TNS3: variants seen among roughly 807,000 people sequenced by gnomAD.
TNS3 encodes tensin 3.
A neutral mutation model predicts 140.9 loss-of-function variants in TNS3; 45 were observed. The ratio of observed to expected loss-of-function variants is 0.32; its 90% CI spans 0.25 to 0.41. The LOEUF is 0.41. TNS3 is among the 10% of genes least tolerant of loss of function. The pLI is 1.00. For synonymous variants in TNS3, 815 were observed against 788.4 expected, an observed-to-expected ratio of 1.03 and a Z score of -0.56; for missense variants, 1,716 against 1,906.7, an observed-to-expected ratio of 0.90 and a Z score of 1.86.
intron 16 of TNS3, among the ~76,000 whole-genome samples, chr7:47,392,267 C>T (rs141445996): frequency 4.6e-5 from 7 of 152,180 alleles, no homozygotes; most frequent in South Asian, 2.1e-4. Flanking sequence ...GAAGACAGGG[C>T]GTTTGTAATC....
At chr7:47,285,614 A>G (rs1442488958) in intron 27 of TNS3, among the ~76,000 whole-genome samples, 1 of 152,210 alleles carries the variant, frequency 6.6e-6, no homozygotes, top group Non-Finnish European at 1.5e-5. Flanking sequence ...AGTCTCAGAT[A>G]TGGCTGTATT....
chr7:47,545,428 C>A (rs1347125580), intron 1 of TNS3, among the ~76,000 whole-genome samples: 1 of 151,494 alleles, frequency 6.6e-6, no homozygotes, highest in Non-Finnish European at 1.5e-5. Context: ...GGGCTTTCTA[C>A]ACTCCCCTCC....
At chr7:47,332,532 C>CTCGA (rs1788401279) in intron 20 of TNS3, among the ~76,000 whole-genome samples, 1 of 152,222 alleles carries the variant, frequency 6.6e-6, no homozygotes, top group Non-Finnish European at 1.5e-5. Flanking sequence ...CCCCAGCCCG[C>CTCGA]GAGCTGCCCC....
intron 2 of TNS3, among the ~76,000 whole-genome samples, chr7:47,522,476 A>C (rs334518): frequency 0.98 from 149,936 of 152,302 alleles, 73,855 homozygotes; most frequent in East Asian, 1. Context: ...GTCCACAGGG[A>C]CCCTTGGCCT....
chr7:47,428,650 G>T (rs1036083404), intron 8 of TNS3, among the ~76,000 whole-genome samples: 1 of 152,216 alleles, frequency 6.6e-6, no homozygotes, highest in Non-Finnish European at 1.5e-5. Context: ...CACAGCAGCT[G>T]CCTGTCATTT....
chr7:47,353,154 C>A (rs563202428), intron 17 of TNS3, among the ~76,000 whole-genome samples: 1 of 152,322 alleles, frequency 6.6e-6, no homozygotes, highest in Non-Finnish European at 1.5e-5. Context: ...TCTTGGATTG[C>A]TTTCTGAGGA....
intron 1 of TNS3, chr7:47,581,651 C>T (rs1479496487): frequency 7.9e-5 from 12 of 152,132 alleles, no homozygotes; most frequent in Admixed American, 7.9e-4. Flanking sequence ...CCAGCCAGTC[C>T]CCAAACCCAG....
At chr7:47,424,748 G>T (rs1258866603) in intron 9 of TNS3, among the ~76,000 whole-genome samples, 1 of 152,206 alleles carries the variant, frequency 6.6e-6, no homozygotes, top group African/African-American at 2.4e-5. Context: ...CCAGGACTGG[G>T]CTTGAGAAGG....
intron 4 of TNS3, among the ~76,000 whole-genome samples, chr7:47,474,853 A>C (rs532871750): frequency 6.8e-6 from 1 of 146,290 alleles, no homozygotes; most frequent in South Asian, 2.2e-4. Context: ...TCACACACAA[A>C]ACACCTCACA....
chr7:47,290,745 T>C (rs1240481150), intron 27 of TNS3, among the ~76,000 whole-genome samples: 2 of 152,138 alleles, frequency 1.3e-5, no homozygotes, highest in African/African-American at 4.8e-5. Context: ...GAATGCAAAA[T>C]GGGACAGCCA....
At chr7:47,400,318 C>T in intron 15 of TNS3, 75 bp downstream of exon 15, 4 of 1,216,998 alleles carry the variant, frequency 3.3e-6, no homozygotes, top group Non-Finnish European at 4.8e-6. Flanking sequence ...ACTAGTACTA[C>T]AGCCCCAGCG....
chr7:47,345,308 TG>T (rs1468711647), intron 18 of TNS3, among the ~76,000 whole-genome samples: 1 of 152,146 alleles, frequency 6.6e-6, no homozygotes, highest in Non-Finnish European at 1.5e-5. Context: ...AGCTAATAAG[TG>T]AAGTAGACAG....
chr7:47,538,518 T>C (rs1799684941), intron 1 of TNS3, among the ~76,000 whole-genome samples: 2 of 152,184 alleles, frequency 1.3e-5, no homozygotes, highest in South Asian at 4.1e-4. Context: ...CCACATGCCT[T>C]GGATGTGGGG....
At chr7:47,357,129 G>T (rs182515203) in intron 17 of TNS3, among the ~76,000 whole-genome samples, 13 of 152,178 alleles carry the variant, frequency 8.5e-5, no homozygotes, top group Admixed American at 1.3e-4. Context: ...ATAAGAACAG[G>T]TGAAAACTCA....
intron 3 of TNS3, among the ~76,000 whole-genome samples, chr7:47,484,864 G>A (rs370171365): frequency 2.4e-4 from 36 of 152,338 alleles, no homozygotes; most frequent in East Asian, 1.4e-3. Flanking sequence ...GGGAAGCACC[G>A]TGGGTCGGGG....
intron 10 of TNS3, among the ~76,000 whole-genome samples, chr7:47,421,626 G>A (rs1794375913): frequency 6.6e-6 from 1 of 152,140 alleles, no homozygotes. Context: ...GTTTAGGGAA[G>A]GAAGTTCAGG....
intron 17 of TNS3, among the ~76,000 whole-genome samples, chr7:47,358,979 T>C (rs574377804): frequency 2.0e-5 from 3 of 152,230 alleles, no homozygotes; most frequent in South Asian, 2.1e-4. Flanking sequence ...CTTTCAAGCA[T>C]CAGTGGGGAA....
rs758701514 is a variant in TNS3, at chr7:47,413,943, C to T, written c.641G>A (p.Gly214Glu). The change falls in exon 12 of 31, where the codon GGG (glycine) becomes GAG (glutamate). Residue 214 changes from glycine to glutamate, a missense_variant. Physicochemically the swap from Gly to Glu is moderately conservative, Grantham distance 98. This residue lies in a region of TNS3 where 337 missense variants were observed against 428.9 expected (regional missense o/e 0.79). Coordinates refer to ENST00000311160, the MANE Select transcript of TNS3 (RefSeq NM_022748.12). ...YQAMQPVYTS[G>E]IYNVGPENPS... ...CAGCAGCAGCAGCACTCACTAGATC[C>T]CGGAGGTGTACACAGGCTGCATGGC... 1 of 1,613,686 alleles carries T rather than the reference C, an allele frequency of 6.2e-7. No homozygotes were observed. The highest frequency in any genetic ancestry group is 8.5e-7 in the Non-Finnish European group (1 of 1,180,010).
chr7:47,567,445 A>G (rs1403147029), intron 1 of TNS3, among the ~76,000 whole-genome samples: 1 of 152,050 alleles, frequency 6.6e-6, no homozygotes, highest in Non-Finnish European at 1.5e-5. Flanking sequence ...AGCATTTTGG[A>G]AGGCCGAGGC....
Sources: gnomAD v4.1 joint callset for allele counts (sites outside exome capture counted in the v4.1 genomes callset) on GRCh38, gnomAD v4.1.1 for gene constraint, gnomAD v4.1.1 regional missense constraint, MANE v1.5 for transcripts, NCBI Gene and HGNC (gene_info 2026-07-23, HGNC 2026-07-21) for gene names.